Variants in PCBP3 observed in about 807,000 individuals in gnomAD.
PCBP3 encodes the protein poly(rC) binding protein 3.
A neutral mutation model predicts 52.7 loss-of-function variants in PCBP3; 25 were observed. That is an observed-to-expected ratio of 0.47 (90% CI 0.35 to 0.66). The LOEUF (loss-of-function observed/expected upper bound fraction) is 0.66, where lower values mean the gene tolerates loss of function less well. Ranked by LOEUF, PCBP3 falls within the 30% of genes least tolerant of loss-of-function variation. PCBP3 has a pLI of 0.01. For missense variants in PCBP3, 391 were observed against 490.3 expected (o/e 0.80, Z 1.91); for synonymous variants, 162 against 183.0 (o/e 0.89, Z 0.93).
At chr21:45,850,164 C>T in intron 5 of PCBP3, 69 bp downstream of exon 5, 1 of 1,281,906 alleles carries the variant, frequency 7.8e-7, no homozygotes, top group Non-Finnish European at 1.1e-6. Context: ...GTCAGACTTA[C>T]CCTTGACAAA....
intron 2 of PCBP3, among the ~76,000 whole-genome samples, chr21:45,713,658 C>T (rs1213533571): frequency 3.3e-5 from 5 of 152,238 alleles, no homozygotes; most frequent in Non-Finnish European, 7.3e-5. Flanking sequence ...TGCTCCGCTA[C>T]TTGCATGGTG....
chr21:45,744,668 C>G (rs1734456142), intron 3 of PCBP3, among the ~76,000 whole-genome samples: 1 of 152,088 alleles, frequency 6.6e-6, no homozygotes, highest in African/African-American at 2.4e-5. Flanking sequence ...TTATAATTCT[C>G]TTTTTCTTCA....
At chr21:45,810,247 A>ATGTGTGTGTGT (rs1569252764) in intron 4 of PCBP3, among the ~76,000 whole-genome samples, 2 of 145,634 alleles carry the variant, frequency 1.4e-5, no homozygotes, top group African/African-American at 2.5e-5. Context: ...TGTGTGTGTG[A>ATGTGTGTGTGT]GAGAGTGTGT....
At chr21:45,874,476 C>T (rs887450985) in intron 5 of PCBP3, among the ~76,000 whole-genome samples, 3 of 151,182 alleles carry the variant, frequency 2.0e-5, no homozygotes, top group Non-Finnish European at 4.4e-5. Context: ...TTTCTGATGG[C>T]CTTATACATG....
chr21:45,809,702 C>A (rs956419325), intron 4 of PCBP3, among the ~76,000 whole-genome samples: 1 of 152,240 alleles, frequency 6.6e-6, no homozygotes, highest in African/African-American at 2.4e-5. Flanking sequence ...CGATCCGGGT[C>A]GGGGCAAGGC....
chr21:45,698,016 C>G (rs1030425415), intron 2 of PCBP3, among the ~76,000 whole-genome samples: 3 of 152,214 alleles, frequency 2.0e-5, no homozygotes, highest in African/African-American at 7.2e-5. Flanking sequence ...CACTACTTCC[C>G]ATGCACCTTA....
At chr21:45,649,491 A>G (rs1037682604) in intron 1 of PCBP3, among the ~76,000 whole-genome samples, 1 of 152,358 alleles carries the variant, frequency 6.6e-6, no homozygotes, top group South Asian at 2.1e-4. Context: ...TTTTTTCCAA[A>G]TTCATAACCA....
chr21:45,936,258 C>T (rs933645722), intron 16 of PCBP3, among the ~76,000 whole-genome samples: 33 of 152,308 alleles, frequency 2.2e-4, no homozygotes, highest in South Asian at 8.3e-4. Context: ...AGAGCAGGGT[C>T]GCCAGAGGAA....
intron 2 of PCBP3, among the ~76,000 whole-genome samples, chr21:45,686,188 G>T (rs1268584065): frequency 2.0e-5 from 3 of 152,078 alleles, no homozygotes; most frequent in Non-Finnish European, 4.4e-5. Context: ...AAAGTGCTGG[G>T]ATTACAGGTG....
chr21:45,809,367 C>T (rs113498486), intron 4 of PCBP3, among the ~76,000 whole-genome samples: 1,917 of 152,196 alleles, frequency 0.013, 62 homozygotes, highest in African/African-American at 0.043. Flanking sequence ...TTCCACTCCA[C>T]GCATTTAAAG....
At chr21:45,699,922 C>G (rs2083006627) in intron 2 of PCBP3, among the ~76,000 whole-genome samples, 1 of 152,170 alleles carries the variant, frequency 6.6e-6, no homozygotes, top group Non-Finnish European at 1.5e-5. Flanking sequence ...CCGCCCCAGC[C>G]CCTCTCAAAT....
chr21:45,820,239 G>T (rs1285267412), intron 4 of PCBP3, among the ~76,000 whole-genome samples: 1 of 152,246 alleles, frequency 6.6e-6, no homozygotes, highest in Non-Finnish European at 1.5e-5. Context: ...TATCCGTCCT[G>T]GGAACACCCA....
intron 4 of PCBP3, among the ~76,000 whole-genome samples, chr21:45,839,426 G>A (rs964222361): frequency 3.3e-5 from 5 of 152,164 alleles, no homozygotes; most frequent in African/African-American, 9.7e-5. Context: ...TTATGACAAA[G>A]CTTCTCCAAT....
At chr21:45,723,610 A>G (rs1005854595) in intron 2 of PCBP3, among the ~76,000 whole-genome samples, 2 of 152,100 alleles carry the variant, frequency 1.3e-5, no homozygotes, top group African/African-American at 4.8e-5. Flanking sequence ...ACATACCTGA[A>G]GTATGATCTA....
At chr21:45,722,284 A>C (rs1007529296) in intron 2 of PCBP3, among the ~76,000 whole-genome samples, 8 of 152,176 alleles carry the variant, frequency 5.3e-5, no homozygotes, top group Non-Finnish European at 1.0e-4. Context: ...ATGTAAGTGG[A>C]TATATGTTTG....
In PCBP3 at chr21:45,880,389, A is replaced by G. The variant is rs2095372454; in HGVS notation, c.11-15819A>G. On this transcript the variant is annotated intron_variant, in intron 5 of 17. Transcript: ENST00000681687. This position sits in a 1 kb window ranked among gnomAD's most constrained non-coding sequence, Gnocchi z 5.4. ...GCCTCTGTGGGCCACAGGGACCCCC[A>G]CAGCAGACCCCCAGCAAACCCTCAG... Among the ~76,000 whole-genome samples, 1 of 152,156 alleles carries G rather than the reference A, an allele frequency of 6.6e-6. No homozygotes were observed. The highest frequency in any genetic ancestry group is 2.1e-4 in the South Asian group (1 of 4,832).
At chr21:45,720,643 G>A (rs2084562600) in intron 2 of PCBP3, among the ~76,000 whole-genome samples, 1 of 152,208 alleles carries the variant, frequency 6.6e-6, no homozygotes, top group Non-Finnish European at 1.5e-5. Context: ...TACATTTGGA[G>A]TTTTGAAAAC....
At chr21:45,930,983 A>G in intron 15 of PCBP3, 138 bp downstream of exon 15, 1 of 1,265,630 alleles carries the variant, frequency 7.9e-7, no homozygotes, top group African/African-American at 1.5e-5. Context: ...AGGTGCTGCC[A>G]AGGGCGTGGG....
chr21:45,889,281 G>A (rs916633317), intron 5 of PCBP3, among the ~76,000 whole-genome samples: 7 of 152,228 alleles, frequency 4.6e-5, no homozygotes, highest in African/African-American at 1.7e-4. Flanking sequence ...ATGCGGGCCA[G>A]CAGCCTCTGA....
Sources: gnomAD v4.1 joint callset for allele counts (sites outside exome capture counted in the v4.1 genomes callset) on GRCh38, gnomAD v4.1.1 for gene constraint, Gnocchi (gnomAD v3.1) non-coding constraint, MANE v1.5 for transcripts, NCBI Gene and HGNC (gene_info 2026-07-23, HGNC 2026-07-21) for gene names.